NELL1: variants seen among roughly 807,000 people sequenced by gnomAD.
The protein encoded by NELL1 is neural EGFL like 1.
A neutral mutation model predicts 107.4 loss-of-function variants in NELL1; 76 were observed. The ratio of observed to expected loss-of-function variants is 0.71; its 90% confidence interval spans 0.59 to 0.86. The LOEUF (loss-of-function observed/expected upper bound fraction) is 0.86. NELL1 is among the 40% of genes least tolerant of loss of function. The pLI is 0.00. For synonymous variants in NELL1, 353 were observed against 341.2 expected (o/e 1.03, Z -0.38); for missense variants, 1,024 against 1,005.5 (o/e 1.02, Z -0.25).
chr11:21,434,807 A>C (rs2133837884), intron 15 of NELL1, among the ~76,000 whole-genome samples: 1 of 152,178 alleles, frequency 6.6e-6, no homozygotes, highest in South Asian at 2.1e-4. Context: ...TTATTTTAAT[A>C]ATATTAACTG....
chr11:20,733,723 T>C (rs184219219), intron 2 of NELL1, among the ~76,000 whole-genome samples: 51 of 152,280 alleles, frequency 3.3e-4, no homozygotes, highest in Admixed American at 9.8e-4. Flanking sequence ...AACAAACACA[T>C]GAACAAATAA....
At chr11:21,208,696 C>T (rs79091564) in intron 13 of NELL1, among the ~76,000 whole-genome samples, 1,552 of 152,066 alleles carry the variant, frequency 0.01, 25 homozygotes, top group African/African-American at 0.034. Flanking sequence ...TACACACTTT[C>T]CAAGAGACTG....
intron 15 of NELL1, among the ~76,000 whole-genome samples, chr11:21,481,855 T>A (rs953495374): frequency 2.0e-5 from 3 of 152,204 alleles, no homozygotes; most frequent in Non-Finnish European, 2.9e-5. Context: ...ATAGCTCCGC[T>A]GGTAGAGGTA....
chr11:21,559,837 A>C (rs932979530), intron 16 of NELL1, among the ~76,000 whole-genome samples: 1 of 152,120 alleles, frequency 6.6e-6, no homozygotes, highest in Non-Finnish European at 1.5e-5. Flanking sequence ...GTTCTTAAGA[A>C]TATCCTAAAA....
chr11:20,931,872 T>G (rs1276826718), intron 9 of NELL1, among the ~76,000 whole-genome samples: 1 of 147,874 alleles, frequency 6.8e-6, no homozygotes, highest in Non-Finnish European at 1.5e-5. Flanking sequence ...TCTCTGACTT[T>G]AGGTGGGGTA....
chr11:21,550,458 G>A (rs961096410), intron 16 of NELL1, among the ~76,000 whole-genome samples: 2 of 151,980 alleles, frequency 1.3e-5, no homozygotes, highest in Admixed American at 6.6e-5. Flanking sequence ...TTCTTCTAGG[G>A]TTTTTATGCT....
chr11:21,342,656 A>T (rs981944516), intron 14 of NELL1, among the ~76,000 whole-genome samples: 4 of 141,444 alleles, frequency 2.8e-5, no homozygotes, highest in South Asian at 2.4e-4. Flanking sequence ...AAAAAAAAAA[A>T]AAGAAAAAGA....
chr11:21,296,863 C>G (rs987135534), intron 14 of NELL1, among the ~76,000 whole-genome samples: 2 of 151,212 alleles, frequency 1.3e-5, no homozygotes, highest in Admixed American at 6.6e-5. Context: ...GATAATATTT[C>G]TATACTAATA....
chr11:21,069,275 A>G (rs1458770801), intron 12 of NELL1, among the ~76,000 whole-genome samples: 1 of 152,220 alleles, frequency 6.6e-6, no homozygotes, highest in African/African-American at 2.4e-5. Context: ...GTACCCTTGA[A>G]CTTAACATAA....
At chr11:21,237,316 T>A (rs1309316906) in intron 14 of NELL1, among the ~76,000 whole-genome samples, 1 of 152,146 alleles carries the variant, frequency 6.6e-6, no homozygotes, top group Non-Finnish European at 1.5e-5. Context: ...CCCCGGGCAT[T>A]TAATTTTCTG....
intron 15 of NELL1, among the ~76,000 whole-genome samples, chr11:21,373,771 G>C (rs914573381): frequency 6.6e-6 from 1 of 151,924 alleles, no homozygotes; most frequent in African/African-American, 2.4e-5. Flanking sequence ...TGCCTCCTTT[G>C]GTTTCTAAAC....
At chr11:21,202,773 T>G (rs530160849) in intron 13 of NELL1, among the ~76,000 whole-genome samples, 3 of 152,328 alleles carry the variant, frequency 2.0e-5, no homozygotes, top group African/African-American at 7.2e-5. Context: ...GTGGTATAAA[T>G]TTCCCTCTAA....
In NELL1 at chr11:20,826,737, C is replaced by G. The variant is rs541247293; in HGVS notation, c.336-20846C>G. The stretch of plus-strand genomic sequence containing the variant: ...CCTGAAGTTATTGCCATAAAAACCC[C>G]TCCAAGCAAGAATCAGCCTTAGTGG... On this transcript the variant is annotated intron_variant, in intron 3 of 19. Coordinates refer to ENST00000357134, the MANE Select transcript of NELL1 (RefSeq NM_006157.5). 2.2e-3 allele frequency among the ~76,000 whole-genome samples: 327 copies of G among 151,230 alleles called. 19 individuals are homozygous for G. The highest frequency in any genetic ancestry group is 4.0e-3 in the Non-Finnish European group (268 of 67,510).
chr11:20,697,379 A>C (rs1344918657), intron 2 of NELL1, among the ~76,000 whole-genome samples: 2 of 146,310 alleles, frequency 1.4e-5, no homozygotes, highest in Non-Finnish European at 3.0e-5. Context: ...ATGAGTGCAA[A>C]TTCTTTAATA....
chr11:21,396,329 A>G (rs974969913), intron 15 of NELL1, among the ~76,000 whole-genome samples: 3 of 151,630 alleles, frequency 2.0e-5, no homozygotes, highest in African/African-American at 7.3e-5. Context: ...TAATATGTTG[A>G]AGCTCAGGAA....
chr11:20,847,667 T>A lies in NELL1; in HGVS notation c.420T>A (p.Leu140=). ...ATGGGAAGCCAAGGACAGAGGCACT[T>A]CCTTACCGCATGGCAGATGGACAAT... ...IHNGKPRTEA[L]PYRMADGQWH... Residue 140 remains leucine, a synonymous_variant, in exon 4 of 20, where the codon CTT becomes CTA. Coordinates refer to ENST00000357134, the MANE Select transcript of NELL1 (RefSeq NM_006157.5). 5 of 1,613,830 alleles carry A rather than the reference T, an allele frequency of 3.1e-6. No homozygotes were observed. The highest frequency in any genetic ancestry group is 4.2e-6 in the Non-Finnish European group (5 of 1,179,840).
intron 11 of NELL1, among the ~76,000 whole-genome samples, chr11:20,950,938 T>C (rs933677556): frequency 6.6e-6 from 1 of 152,232 alleles, no homozygotes; most frequent in Non-Finnish European, 1.5e-5. Context: ...ATCATCTCTC[T>C]CTTACTGTGA....
chr11:21,472,236 G>A (rs1311307837), intron 15 of NELL1, among the ~76,000 whole-genome samples: 1 of 151,934 alleles, frequency 6.6e-6, no homozygotes, highest in African/African-American at 2.4e-5. Context: ...TCCAGTCTCT[G>A]GAAAAATTAA....
At chr11:21,359,131 T>G (rs1225611967) in intron 14 of NELL1, among the ~76,000 whole-genome samples, 1 of 152,172 alleles carries the variant, frequency 6.6e-6, no homozygotes, top group African/African-American at 2.4e-5. Context: ...GATTGATTTT[T>G]TATTACCTTG....
Sources: gnomAD v4.1 joint callset for allele counts (sites outside exome capture counted in the v4.1 genomes callset) on GRCh38, gnomAD v4.1.1 for gene constraint, MANE v1.5 for transcripts, NCBI Gene and HGNC (gene_info 2026-07-23, HGNC 2026-07-21) for gene names.